Variants in ANKRD28 observed in about 807,000 individuals in gnomAD.
ANKRD28 encodes ankyrin repeat domain 28, also known as serine/threonine-protein phosphatase 6 regulatory ankyrin repeat subunit A.
In ANKRD28, 44 loss-of-function variants were observed where a neutral mutation model predicts 126.5. The observed-to-expected ratio is 0.35, with a 90% CI of 0.27 to 0.45. The LOEUF (loss-of-function observed/expected upper bound fraction) is 0.45. ANKRD28 is among the 20% of genes least tolerant of loss of function. The pLI is 1.00. For synonymous variants in ANKRD28, 442 were observed against 468.5 expected, an observed-to-expected ratio of 0.94 and a Z score of 0.73; for missense variants, 1,110 against 1,316.6, an observed-to-expected ratio of 0.84 and a Z score of 2.43.
At chr3:15,859,491 A>T in exon 1 of ANKRD28, 1 of 1,274,784 alleles carries the variant, frequency 7.8e-7, no homozygotes, top group Non-Finnish European at 1.1e-6. Context: ...CCGCCCCAGT[A>T]GCCTTGGCCG....
intron 1 of ANKRD28, among the ~76,000 whole-genome samples, chr3:15,857,813 T>C (rs191379926): frequency 1.3e-5 from 2 of 152,336 alleles, no homozygotes; most frequent in African/African-American, 4.8e-5. Context: ...CATAGTAATC[T>C]AAATCACAAA....
upstream of ANKRD28, among the ~76,000 whole-genome samples, chr3:15,801,076 T>C (rs1299439502): frequency 5.3e-5 from 8 of 152,072 alleles, no homozygotes; most frequent in African/African-American, 1.9e-4. This position sits in a 1 kb window ranked among gnomAD's most constrained non-coding sequence, Gnocchi z 4.9. Context: ...CAAGGGGATG[T>C]GGTTATTTTC....
At chr3:15,751,679 G>T in intron 4 of ANKRD28, 71 bp downstream of exon 4, 2 of 995,548 alleles carry the variant, frequency 2.0e-6, no homozygotes, top group South Asian at 3.1e-5. Flanking sequence ...CATAGAATTT[G>T]AATATGGATT....
At chr3:15,744,552 G>A (rs1017448860) in intron 4 of ANKRD28, among the ~76,000 whole-genome samples, 1 of 150,492 alleles carries the variant, frequency 6.6e-6, no homozygotes, top group African/African-American at 2.5e-5. Flanking sequence ...CCTGACCTCA[G>A]GTGATCTGCC....
chr3:15,800,910 A>G (rs1004261350), upstream of ANKRD28, among the ~76,000 whole-genome samples: 2 of 152,168 alleles, frequency 1.3e-5, no homozygotes, highest in African/African-American at 4.8e-5. Context: ...CTTCTATTGA[A>G]TAAGACAGGC....
rs940764698 is a variant in ANKRD28, at chr3:15,714,087, C to A, written c.1076-446G>T. Among the ~76,000 whole-genome samples the A allele has an allele frequency of 2.0e-4, 31 of 152,038 alleles. 1 individual carries two copies. The highest frequency in any genetic ancestry group is 6.6e-4 in the Admixed American group (10 of 15,248). Reference sequence around the variant, plus strand: ...TTGAGGATAAATTTCTTGGAATATGCCTTGGAAAACACTGATTTAAAGTAA... The same window carrying A: ...TTGAGGATAAATTTCTTGGAATATGACTTGGAAAACACTGATTTAAAGTAA... On this transcript the variant is annotated intron_variant, in intron 9 of 27. Coordinates refer to ENST00000683139, the MANE Select transcript of ANKRD28 (RefSeq NM_001349278.2).
chr3:15,821,785 C>A (rs2060946434), intron 1 of ANKRD28, among the ~76,000 whole-genome samples: 1 of 152,132 alleles, frequency 6.6e-6, no homozygotes, highest in African/African-American at 2.4e-5. Flanking sequence ...GTTGTGGGTA[C>A]CAGATAAACT....
At chr3:15,770,712 T>C (rs1438803392) in intron 2 of ANKRD28, among the ~76,000 whole-genome samples, 1 of 152,206 alleles carries the variant, frequency 6.6e-6, no homozygotes, top group Non-Finnish European at 1.5e-5. Flanking sequence ...CTCTTAGAAC[T>C]TCAGCAGCCC....
At chr3:15,857,666 A>T (rs2061803997) in intron 1 of ANKRD28, among the ~76,000 whole-genome samples, 1 of 152,208 alleles carries the variant, frequency 6.6e-6, no homozygotes, top group Non-Finnish European at 1.5e-5. Flanking sequence ...CAATTTTCTC[A>T]CAACTGCAAT....
chr3:15,717,889 A>C (rs2073257637), intron 8 of ANKRD28, among the ~76,000 whole-genome samples: 1 of 152,240 alleles, frequency 6.6e-6, no homozygotes, highest in Admixed American at 6.5e-5. Flanking sequence ...ACTTAAATTC[A>C]CATTCCAATT....
chr3:15,679,444 A>G, intron 22 of ANKRD28, 32 bp downstream of exon 22: 1 of 1,613,676 alleles, frequency 6.2e-7, no homozygotes, highest in South Asian at 1.1e-5. Flanking sequence ...AAAACACTCA[A>G]ACCAAATCTG....
rs568305153 is a variant in ANKRD28, at chr3:15,850,267, T to C, written c.27+9110A>G. Among the ~76,000 whole-genome samples the C allele has an allele frequency of 8.4e-4, 65 of 77,152 alleles. 1 individual carries two copies. The highest frequency in any genetic ancestry group is 1.2e-3 in the Non-Finnish European group (43 of 37,298). 50.6% of individuals were successfully genotyped at this position (77,152 alleles called of 152,430 possible). Reference sequence around the variant, plus strand: ...GAGAGAGAGAGAGAGAGAGAGAAAGTTGAAATCCTACCTCATAGCATATAC... The same window carrying C: ...GAGAGAGAGAGAGAGAGAGAGAAAGCTGAAATCCTACCTCATAGCATATAC... On this transcript the variant is annotated intron_variant, in intron 1 of 27. Coordinates refer to the ANKRD28 transcript ENST00000399451.
chr3:15,756,228 C>T (rs1223066422), intron 3 of ANKRD28, among the ~76,000 whole-genome samples: 1 of 152,128 alleles, frequency 6.6e-6, no homozygotes, highest in Non-Finnish European at 1.5e-5. Flanking sequence ...CAATAAATAA[C>T]ACAACTAAAA....
chr3:15,687,901 A>AC (rs1421101411), intron 18 of ANKRD28, among the ~76,000 whole-genome samples: 3 of 152,192 alleles, frequency 2.0e-5, no homozygotes, highest in Non-Finnish European at 4.4e-5. Flanking sequence ...AACAGCAAGC[A>AC]CAGCATCTCT....
intron 21 of ANKRD28, among the ~76,000 whole-genome samples, chr3:15,682,510 T>C (rs2067651552): frequency 6.6e-6 from 1 of 152,192 alleles, no homozygotes; most frequent in Non-Finnish European, 1.5e-5. Context: ...AGTCTGAGGA[T>C]GTTTAGAGCT....
chr3:15,712,992 T>C (rs1376156613), intron 10 of ANKRD28, among the ~76,000 whole-genome samples: 1 of 152,236 alleles, frequency 6.6e-6, no homozygotes, highest in Admixed American at 6.5e-5. Context: ...ATGGTGTTTC[T>C]TGCAGAGCAT....
rs897483005 is a variant in ANKRD28 at position 15,814,692 on chromosome 3, T to C, written c.28-19386A>G. Among the ~76,000 whole-genome samples the C allele has an allele frequency of 1.3e-5, 2 of 151,996 alleles. No individual in the cohort carries two copies. The highest frequency in any genetic ancestry group is 2.9e-5 in the Non-Finnish European group (2 of 67,934). On this transcript the variant is annotated intron_variant, in intron 1 of 27. Transcript: ENST00000399451. This position sits in a 1 kb window ranked among gnomAD's most constrained non-coding sequence, Gnocchi z 4.7. ...TGCATTCACTAATAATATATTCAGT[T>C]ACTTACTAATCAGCAATTATTTACC...
chr3:15,763,964 T>G (rs776150870), intron 3 of ANKRD28, among the ~76,000 whole-genome samples: 8 of 152,172 alleles, frequency 5.3e-5, no homozygotes, highest in Non-Finnish European at 1.0e-4. Flanking sequence ...TGCCTCACAC[T>G]TGTAATCTCA....
chr3:15,846,987 G>A lies in ANKRD28; in HGVS notation c.27+12390C>T, dbSNP rs1402215101. Among the ~76,000 whole-genome samples, 1 of 152,168 alleles carries A rather than the reference G, an allele frequency of 6.6e-6. No homozygotes were observed. Among genetic ancestry groups the A allele is most frequent in the Non-Finnish European group, 1.5e-5 (1 of 68,030 alleles). Reference sequence around the variant, plus strand: ...AGTAAATATAAGTTATCTGGGGCCTGGGAGAAAAGAAAACAAGTTTGGTAA... The same window carrying A: ...AGTAAATATAAGTTATCTGGGGCCTAGGAGAAAAGAAAACAAGTTTGGTAA... On this transcript the variant is annotated intron_variant, in intron 1 of 27. Transcript: ENST00000399451. The surrounding 1 kb of genome is among the most constrained non-coding windows in gnomAD (Gnocchi z 5.4).
Sources: allele counts gnomAD v4.1 joint callset (sites outside exome capture counted in the v4.1 genomes callset), GRCh38; gene constraint gnomAD v4.1.1; non-coding constraint Gnocchi (gnomAD v3.1); transcripts MANE v1.5; gene names NCBI Gene and HGNC (gene_info 2026-07-23, HGNC 2026-07-21).